Variants in ETNPPL observed in about 807,000 individuals in gnomAD.
ETNPPL encodes the protein alanine--glyoxylate aminotransferase 2-like 1.
A neutral mutation model predicts 55.5 loss-of-function variants in ETNPPL; 30 were observed. That is an observed-to-expected ratio of 0.54 (90% confidence interval 0.40 to 0.73). The LOEUF is 0.73. ETNPPL is among the 30% of genes least tolerant of loss of function. The probability of loss-of-function intolerance (pLI) is 0.00; values close to 1 mark genes in which losing one functional copy is unlikely to be tolerated. For missense variants in ETNPPL, 528 were observed against 607.9 expected, an observed-to-expected ratio of 0.87 and a Z score of 1.38; for synonymous variants, 202 against 207.2, an observed-to-expected ratio of 0.98 and a Z score of 0.21.
At chr4:108,751,928 G>A (rs781107767) in intron 6 of ETNPPL, among the ~76,000 whole-genome samples, 1 of 152,226 alleles carries the variant, frequency 6.6e-6, no homozygotes, top group Non-Finnish European at 1.5e-5. Context: ...TCTTTTAGCA[G>A]CAAAGAGTCC....
rs1294494566 is a variant in ETNPPL, at chr4:108,759,729, T to C, written c.335+20A>G. The stretch of plus-strand genomic sequence containing the variant: ...AAAGTTTAGTGGGAATGGGGAGGGG[T>C]GGGAAACCATGAAGCATACCCTGAA... On this transcript the variant is annotated intron_variant, in intron 3 of 12. Coordinates refer to ENST00000296486, the MANE Select transcript of ETNPPL (RefSeq NM_031279.4). 6.2e-7 allele frequency: 1 copy of C among 1,612,142 alleles called. No individual in the cohort carries two copies. Among genetic ancestry groups the C allele is most frequent in the Non-Finnish European group, 8.5e-7 (1 of 1,178,728 alleles).
At chr4:108,750,045 A>G (rs1728823333) in intron 7 of ETNPPL, among the ~76,000 whole-genome samples, 1 of 152,142 alleles carries the variant, frequency 6.6e-6, no homozygotes, top group African/African-American at 2.4e-5. Context: ...GTGGGAAGAG[A>G]AAGAATCAAA....
chr4:108,751,117 G>T, intron 6 of ETNPPL, 99 bp from the exon 7 acceptor site: 1 of 746,606 alleles, frequency 1.3e-6, no homozygotes. Context: ...AAATGGCTAG[G>T]AATAGACCTG....
rs373968611 is a variant in ETNPPL at position 108,747,124 on chromosome 4, TTA to T, written c.1083-275_1083-274del. 2.0e-3 allele frequency among the ~76,000 whole-genome samples: 90 copies of T among 44,970 alleles called. 1 individual carries two copies. The highest frequency in any genetic ancestry group is 5.8e-3 in the East Asian group (10 of 1,710). The allele number at this position is 44,970 out of a possible 152,430, so 29.5% of individuals were successfully genotyped here. On this transcript the variant is annotated intron_variant, in intron 9 of 12. Transcript: ENST00000296486. ...ATGTTAATGATGATAAATGTTAACATTATATATATATATATATATATATAATA... is the reference window on the plus strand; with the variant it reads ...ATGTTAATGATGATAAATGTTAACATTATATATATATATATATATATAATA...
intron 11 of ETNPPL, among the ~76,000 whole-genome samples, 152 bp downstream of exon 11, chr4:108,746,246 TA>T (rs1728487946): frequency 6.6e-6 from 1 of 152,222 alleles, no homozygotes; most frequent in African/African-American, 2.4e-5. Flanking sequence ...TATCTTTTTC[TA>T]GTCCTAAATG....
chr4:108,762,987 C>T lies in ETNPPL; in HGVS notation c.-89G>A. ...CCTGGGACTGCCTTGGCGGCCCCGGCCGGCCTTCCTCCCGTTATCCCTCCT... is the reference window on the plus strand; with the variant it reads ...CCTGGGACTGCCTTGGCGGCCCCGGTCGGCCTTCCTCCCGTTATCCCTCCT... On this transcript the variant is annotated 5_prime_UTR_variant, in exon 1 of 13. Coordinates refer to ENST00000296486, the MANE Select transcript of ETNPPL (RefSeq NM_031279.4). The T allele has an allele frequency of 3.0e-6, 4 of 1,320,036 alleles. No homozygotes were observed. The highest frequency in any genetic ancestry group is 3.2e-6 in the Non-Finnish European group (3 of 925,156). 81.8% of individuals were successfully genotyped at this position (1,320,036 alleles called of 1,614,324 possible).
intron 1 of ETNPPL, among the ~76,000 whole-genome samples, chr4:108,761,661 T>C (rs1341882558): frequency 6.6e-6 from 1 of 152,228 alleles, no homozygotes; most frequent in Non-Finnish European, 1.5e-5. Flanking sequence ...CAGAAACCAT[T>C]AGGCATTTAC....
Position 108,752,996 on chromosome 4 carries a change from T to G in ETNPPL, c.517A>C (p.Thr173Pro). 6.2e-7 allele frequency: 1 copy of G among 1,604,524 alleles called. No homozygotes were observed. Among genetic ancestry groups the G allele is most frequent in the Non-Finnish European group, 8.5e-7 (1 of 1,174,048 alleles). Residue 173 changes from threonine to proline, a missense_variant, in exon 6 of 13, where the codon ACT becomes CCT. Transcript: ENST00000296486. ...TCTTCTCTATATTTTCCTCTGTAAG[T>G]ATCTGGAGTTGGTGCCTGAAAACAT... ...EFVHVAPTPD[T>P]YRGKYREDHA... is the part of the protein sequence containing the mutation.
chr4:108,760,285 A>G lies in ETNPPL; in HGVS notation c.78T>C (p.Phe26=), dbSNP rs765722699. 3.4e-5 allele frequency: 55 copies of G among 1,608,612 alleles called. No homozygotes were observed. Among genetic ancestry groups the G allele is most frequent in the Non-Finnish European group, 4.4e-5 (52 of 1,175,648 alleles). Residue 26 remains phenylalanine (F), a synonymous_variant, in exon 2 of 13, where the codon TTT becomes TTC. Coordinates refer to ENST00000296486, the MANE Select transcript of ETNPPL (RefSeq NM_031279.4). ...KHIGPSCKVF[F]ASDPIKIVRA... The stretch of plus-strand genomic sequence containing the variant: ...TCACTATTTTGATGGGATCCGATGC[A>G]AAGAAAACTTTGCATGAGGGCCTAG...
Position 108,743,777 on chromosome 4 carries a change from G to A in ETNPPL, c.1371+12C>T, listed in dbSNP as rs369337532. 6.3e-7 allele frequency: 1 copy of A among 1,589,494 alleles called. No homozygotes were observed. Among genetic ancestry groups the A allele is most frequent in the Non-Finnish European group, 8.6e-7 (1 of 1,160,012 alleles). On this transcript the variant is annotated intron_variant, in intron 12 of 12. Coordinates refer to ENST00000296486, the MANE Select transcript of ETNPPL (RefSeq NM_031279.4). ...AAACTTTCCCCCTAAAAATAAAGTA[G>A]CCAACCCTTACCTTTGTTTTGCATG...
At chr4:108,760,332 T>C (rs1452746114) in intron 1 of ETNPPL, 26 bp from the exon 2 acceptor site, 1 of 1,366,304 alleles carries the variant, frequency 7.3e-7, no homozygotes, top group African/African-American at 1.4e-5. Context: ...GGAAACACTT[T>C]GGTCTGGTAG....
chr4:108,762,680 G>A (rs1729567803), intron 1 of ETNPPL, 163 bp downstream of exon 1: 7 of 836,818 alleles, frequency 8.4e-6, no homozygotes, highest in Middle Eastern at 2.2e-4. Flanking sequence ...GGGAGTCCGC[G>A]CGGCCCCTGC....
chr4:108,746,428 A>G lies in ETNPPL; in HGVS notation c.1274T>C (p.Met425Thr), dbSNP rs754744914. 3.7e-6 allele frequency: 6 copies of G among 1,614,058 alleles called. No individual in the cohort carries two copies. The highest frequency in any genetic ancestry group is 5.1e-6 in the Non-Finnish European group (6 of 1,180,004). ...MCFTEEDAKF[M>T]VDQLDRILTV... is the part of the protein sequence containing the mutation. ...TAGAATCCTATCAAGTTGGTCCACC[A>G]TGAACTTTGCATCTTCTTCAGTGAA... Residue 425 changes from methionine to threonine, a missense_variant, in exon 11 of 13, where the codon ATG becomes ACG. Transcript: ENST00000296486.
chr4:108,755,500 G>A (rs954821675), intron 4 of ETNPPL, among the ~76,000 whole-genome samples: 4 of 151,934 alleles, frequency 2.6e-5, no homozygotes, highest in South Asian at 4.2e-4. Context: ...TGGGGTGGAG[G>A]AGTAGACAAA....
intron 5 of ETNPPL, among the ~76,000 whole-genome samples, chr4:108,753,842 T>A (rs1178186827): frequency 6.7e-6 from 1 of 150,090 alleles, no homozygotes; most frequent in Non-Finnish European, 1.5e-5. Context: ...GAAATTATAC[T>A]GTTCCTCAGT....
At chr4:108,753,805 A>AAAGAAAGAAAGAAAGAAAGAAAG (rs778871409) in intron 5 of ETNPPL, among the ~76,000 whole-genome samples, 1 of 117,492 alleles carries the variant, frequency 8.5e-6, no homozygotes, top group Non-Finnish European at 1.8e-5. Flanking sequence ...AGAAAGAAAG[A>AAAGAAAGAAAGAAAGAAAGAAAG]AAAGAGAAGA....
intron 3 of ETNPPL, among the ~76,000 whole-genome samples, chr4:108,756,779 T>C (rs4956053): frequency 0.086 from 13,071 of 152,094 alleles, 1,057 homozygotes; most frequent in East Asian, 0.48. Context: ...TGAGTGGAGA[T>C]TGCCCCACTG....
chr4:108,750,258 G>A (rs1440828939), intron 7 of ETNPPL, among the ~76,000 whole-genome samples: 1 of 152,048 alleles, frequency 6.6e-6, no homozygotes, highest in Non-Finnish European at 1.5e-5. Flanking sequence ...TGCTTAATCT[G>A]GTGGGCACAA....
intron 8 of ETNPPL, 141 bp from the exon 9 acceptor site, chr4:108,748,300 T>G (rs180984735): frequency 1.7e-6 from 1 of 584,606 alleles, no homozygotes; most frequent in African/African-American, 1.9e-5. Flanking sequence ...TAGTTTCTCA[T>G]ATTTAGAATA....
Sources: allele counts gnomAD v4.1 joint callset (sites outside exome capture counted in the v4.1 genomes callset), GRCh38; gene constraint gnomAD v4.1.1; transcripts MANE v1.5; gene names NCBI Gene and HGNC (gene_info 2026-07-23, HGNC 2026-07-21).